Variants in DOK6 observed in about 807,000 individuals in gnomAD.
The protein encoded by DOK6 is docking protein 6.
Under a neutral mutation model 44.0 loss-of-function variants are expected in DOK6, and 22 were observed. The observed-to-expected ratio is 0.50, with a 90% CI of 0.36 to 0.71. The LOEUF (loss-of-function observed/expected upper bound fraction) is 0.71, where lower values mean the gene tolerates loss of function less well. DOK6 is among the 30% of genes least tolerant of loss of function. The pLI is 0.00. For missense variants in DOK6, 340 were observed against 416.4 expected (o/e 0.82, Z 1.60); for synonymous variants, 166 against 145.5 (o/e 1.14, Z -1.01).
intron 7 of DOK6, among the ~76,000 whole-genome samples, chr18:69,792,575 G>A (rs1175576352): frequency 6.6e-6 from 1 of 151,918 alleles, no homozygotes; most frequent in Non-Finnish European, 1.5e-5. Context: ...AATTTTAATA[G>A]TTTTTTGGTG....
At chr18:69,790,554 T>C (rs772161420) in intron 7 of DOK6, among the ~76,000 whole-genome samples, 3 of 152,206 alleles carry the variant, frequency 2.0e-5, no homozygotes, top group African/African-American at 4.8e-5. Context: ...AAATAGTATA[T>C]GGACAATATT....
At chr18:69,742,032 G>A (rs1303933843) in intron 6 of DOK6, among the ~76,000 whole-genome samples, 2 of 151,978 alleles carry the variant, frequency 1.3e-5, no homozygotes, top group African/African-American at 4.8e-5. Flanking sequence ...TTCTTTGGGG[G>A]GCCACATGAA....
intron 5 of DOK6, among the ~76,000 whole-genome samples, chr18:69,700,284 G>A (rs1206892751): frequency 1.4e-5 from 2 of 147,566 alleles, no homozygotes; most frequent in East Asian, 2.1e-4. Context: ...TTTTGTTTTC[G>A]TTTTTGCATC....
At position 69,446,672 on chromosome 18, in the gene DOK6, AAC is replaced by A. The variant is rs571775849; in HGVS notation, c.66+45364_66+45365del. 8.5e-5 allele frequency among the ~76,000 whole-genome samples: 13 copies of A among 152,350 alleles called. No individual in the cohort carries two copies. In the South Asian group the frequency reaches 2.7e-3, roughly 32 times the overall value. On this transcript the variant is annotated intron_variant, in intron 1 of 7. Coordinates refer to ENST00000382713, the MANE Select transcript of DOK6 (RefSeq NM_152721.6). ...GGTTGAACTAGTTTACAGTCCCACC[AAC>A]AGTGTCAAAGTGTTCCTGTTTCTCC...
intron 5 of DOK6, among the ~76,000 whole-genome samples, chr18:69,717,917 C>G (rs993530900): frequency 6.6e-6 from 1 of 152,042 alleles, no homozygotes; most frequent in Non-Finnish European, 1.5e-5. Flanking sequence ...CCAGTGGCAT[C>G]GAGGCCTTAG....
At position 69,420,231 on chromosome 18, in the gene DOK6, T is replaced by C. The variant is rs113027923; in HGVS notation, c.66+18921T>C. Among the ~76,000 whole-genome samples, 164 of 152,212 alleles carry C rather than the reference T, an allele frequency of 1.1e-3. 1 individual carries two copies. The highest frequency in any genetic ancestry group is 3.7e-3 in the African/African-American group (153 of 41,560). ...ATTAGTCCTGCATTGTCTTTAGATGTATTTGTTATATTGTGATTTTTTTCA... is the reference window on the plus strand; with the variant it reads ...ATTAGTCCTGCATTGTCTTTAGATGCATTTGTTATATTGTGATTTTTTTCA... On this transcript the variant is annotated intron_variant, in intron 1 of 7. Coordinates refer to ENST00000382713, the MANE Select transcript of DOK6 (RefSeq NM_152721.6).
intron 1 of DOK6, among the ~76,000 whole-genome samples, chr18:69,463,377 A>G (rs1032325538): frequency 7.6e-6 from 1 of 132,208 alleles, no homozygotes; most frequent in African/African-American, 2.9e-5. Flanking sequence ...CTTCAGAAGG[A>G]GCCCTTGGGA....
At chr18:69,458,078 A>G (rs1300017784) in intron 1 of DOK6, among the ~76,000 whole-genome samples, 4 of 152,144 alleles carry the variant, frequency 2.6e-5, no homozygotes, top group Non-Finnish European at 4.4e-5. Flanking sequence ...GTGAGGCAGA[A>G]CTTACAGCAA....
At chr18:69,585,231 T>C (rs1020189328) in intron 2 of DOK6, among the ~76,000 whole-genome samples, 4 of 151,950 alleles carry the variant, frequency 2.6e-5, no homozygotes, top group Non-Finnish European at 4.4e-5. Flanking sequence ...TTTTGTAATT[T>C]AACTTATAAT....
At chr18:69,635,664 C>A (rs1263378312) in intron 3 of DOK6, among the ~76,000 whole-genome samples, 1 of 150,336 alleles carries the variant, frequency 6.7e-6, no homozygotes, top group African/African-American at 2.4e-5. Context: ...ATCACAATTA[C>A]CAACACTTCC....
intron 1 of DOK6, among the ~76,000 whole-genome samples, chr18:69,457,703 T>C (rs1187000959): frequency 4.6e-5 from 7 of 152,214 alleles, no homozygotes; most frequent in Admixed American, 1.3e-4. Context: ...AGGAATAGCA[T>C]TGAATCTGTA....
intron 7 of DOK6, among the ~76,000 whole-genome samples, chr18:69,771,550 G>A (rs1022826497): frequency 6.6e-6 from 1 of 151,646 alleles, no homozygotes; most frequent in Non-Finnish European, 1.5e-5. Flanking sequence ...TTCTAGGAGT[G>A]GAATTGATTT....
intron 7 of DOK6, among the ~76,000 whole-genome samples, chr18:69,801,472 G>A (rs990539639): frequency 6.6e-6 from 1 of 152,144 alleles, no homozygotes; most frequent in African/African-American, 2.4e-5. Context: ...AAACAGCCAC[G>A]TAAGTAGTTT....
At chr18:69,564,644 C>T in intron 2 of DOK6, 50 bp downstream of exon 2, 1 of 1,407,932 alleles carries the variant, frequency 7.1e-7, no homozygotes. Flanking sequence ...CCCTTGAAGA[C>T]TTGTGGAGAT....
chr18:69,480,046 T>C (rs1410407881), intron 1 of DOK6, among the ~76,000 whole-genome samples: 2 of 152,196 alleles, frequency 1.3e-5, no homozygotes, highest in Non-Finnish European at 2.9e-5. Flanking sequence ...TGTTACAGTC[T>C]ATTTGTTGGC....
intron 1 of DOK6, among the ~76,000 whole-genome samples, chr18:69,413,183 A>C (rs1388453898): frequency 6.6e-6 from 1 of 152,132 alleles, no homozygotes; most frequent in African/African-American, 2.4e-5. Flanking sequence ...GTTGCTTGCA[A>C]CTAATACATA....
At chr18:69,739,587 A>G (rs1978733380) in intron 6 of DOK6, among the ~76,000 whole-genome samples, 1 of 152,198 alleles carries the variant, frequency 6.6e-6, no homozygotes, top group South Asian at 2.1e-4. Context: ...GGTTGACAAT[A>G]GAATAATTTG....
intron 1 of DOK6, among the ~76,000 whole-genome samples, chr18:69,514,645 T>C (rs1368382818): frequency 6.6e-6 from 1 of 152,078 alleles, no homozygotes; most frequent in Non-Finnish European, 1.5e-5. Context: ...TCATGATTAA[T>C]GTCATTTAAC....
At chr18:69,610,345 C>A (rs1187297979) in intron 3 of DOK6, among the ~76,000 whole-genome samples, 1 of 152,076 alleles carries the variant, frequency 6.6e-6, no homozygotes, top group East Asian at 1.9e-4. Flanking sequence ...ATTCTATGAA[C>A]CTCCTTGGGA....
Sources: allele counts gnomAD v4.1 joint callset (sites outside exome capture counted in the v4.1 genomes callset), GRCh38; gene constraint gnomAD v4.1.1; transcripts MANE v1.5; gene names NCBI Gene and HGNC (gene_info 2026-07-23, HGNC 2026-07-21).